Variants in ARFGEF2 observed in about 807,000 individuals in gnomAD.
ARFGEF2 encodes brefeldin A-inhibited guanine nucleotide-exchange protein 2.
In ARFGEF2, 74 loss-of-function variants were observed where a neutral mutation model predicts 219.9. That is an observed-to-expected ratio of 0.34 (90% CI 0.28 to 0.41). ARFGEF2 has a LOEUF of 0.41. ARFGEF2 is among the 10% of genes least tolerant of loss of function. The pLI is 1.00. For synonymous variants in ARFGEF2, 733 were observed against 799.2 expected (o/e 0.92, Z 1.40); for missense variants, 1,743 against 2,218.3 (o/e 0.79, Z 4.30).
intron 3 of ARFGEF2, among the ~76,000 whole-genome samples, chr20:48,950,331 A>C (rs1300979336): frequency 6.6e-6 from 1 of 152,140 alleles, no homozygotes; most frequent in Non-Finnish European, 1.5e-5. Context: ...TGTACTACAG[A>C]GTGTCTTAGT....
chr20:48,990,893 T>A (rs2091353868), intron 20 of ARFGEF2, 147 bp from the exon 21 acceptor site: 1 of 877,894 alleles, frequency 1.1e-6, no homozygotes. Flanking sequence ...GGCATTAGCA[T>A]GGAATAACTG....
intron 7 of ARFGEF2, among the ~76,000 whole-genome samples, chr20:48,964,118 CAT>C (rs1290154507): frequency 3.3e-5 from 5 of 152,122 alleles, no homozygotes; most frequent in African/African-American, 4.8e-5. Flanking sequence ...GTTTAGGAAA[CAT>C]AGTCTGGGCC....
At position 48,985,587 on chromosome 20, in the gene ARFGEF2, C is replaced by A; in HGVS notation, c.2250C>A (p.Ala750=). The A allele has an allele frequency of 6.2e-7, 1 of 1,614,144 alleles. No homozygotes were observed. Among genetic ancestry groups the A allele is most frequent in the Admixed American group, 1.7e-5 (1 of 60,018 alleles). ...TTGACCGATTAATGGAGAAGTTTGC[C>A]GCAAGATACATAGAATGCAACCAAG... ...QKIDRLMEKF[A]ARYIECNQGQ... Residue 750 remains alanine (A), a synonymous_variant, in exon 16 of 39, where the codon GCC becomes GCA. Transcript: ENST00000371917.
chr20:48,938,393 G>A (rs1035008782), intron 1 of ARFGEF2, among the ~76,000 whole-genome samples: 1 of 152,122 alleles, frequency 6.6e-6, no homozygotes, highest in African/African-American at 2.4e-5. Flanking sequence ...CTCAGGGCTA[G>A]GCAGCTTGCA....
intron 12 of ARFGEF2, 114 bp downstream of exon 12, chr20:48,973,398 A>C (rs2091240601): frequency 8.9e-7 from 1 of 1,119,788 alleles, no homozygotes; most frequent in Non-Finnish European, 1.3e-6. Flanking sequence ...ACAAAACAGG[A>C]ATGCATATTC....
At chr20:48,941,348 T>A (rs2123316640) in intron 2 of ARFGEF2, 119 bp downstream of exon 2, 2 of 1,060,674 alleles carry the variant, frequency 1.9e-6, no homozygotes, top group Non-Finnish European at 2.9e-6. Context: ...TGGCACACAC[T>A]CTGCAAGCAT....
chr20:48,990,836 A>G (rs1043647170), intron 20 of ARFGEF2, among the ~76,000 whole-genome samples: 2 of 152,234 alleles, frequency 1.3e-5, no homozygotes, highest in Admixed American at 1.3e-4. Flanking sequence ...CTTCTCAAAC[A>G]TGTGGCAGTG....
At chr20:49,005,524 G>A (rs923800048) in intron 26 of ARFGEF2, among the ~76,000 whole-genome samples, 2 of 151,666 alleles carry the variant, frequency 1.3e-5, no homozygotes, top group South Asian at 2.1e-4. Context: ...GGATCACGAG[G>A]TCAGGAGATC....
At chr20:49,025,248 A>G in intron 35 of ARFGEF2, 65 bp from the exon 36 acceptor site, 5 of 1,541,440 alleles carry the variant, frequency 3.2e-6, no homozygotes, top group Non-Finnish European at 4.4e-6. Flanking sequence ...CGTTGTCTGC[A>G]ATCACAATGC....
At chr20:48,998,075 G>T in intron 23 of ARFGEF2, 118 bp from the exon 24 acceptor site, 2 of 909,018 alleles carry the variant, frequency 2.2e-6, no homozygotes, top group Non-Finnish European at 3.6e-6. Context: ...GGCCAGGCTG[G>T]TTTTGAACTC....
intron 30 of ARFGEF2, among the ~76,000 whole-genome samples, chr20:49,015,054 C>T (rs1600547298): frequency 6.6e-6 from 1 of 152,264 alleles, no homozygotes; most frequent in South Asian, 2.1e-4. Flanking sequence ...AAACTTAATA[C>T]ATGAGTATTT....
chr20:49,017,599 G>C (rs1010850052), intron 33 of ARFGEF2, 49 bp downstream of exon 33: 3 of 1,595,418 alleles, frequency 1.9e-6, no homozygotes, highest in Non-Finnish European at 1.7e-6. Context: ...TTCTATCTTA[G>C]TAAAAGATCA....
intron 1 of ARFGEF2, among the ~76,000 whole-genome samples, chr20:48,926,459 C>CT (rs949841598): frequency 0.014 from 2,080 of 144,686 alleles, 34 homozygotes; most frequent in African/African-American, 0.045. Context: ...TTCAGTTTTT[C>CT]TTTTTTTTTT....
At chr20:49,002,949 T>C (rs2123494582) in intron 25 of ARFGEF2, among the ~76,000 whole-genome samples, 1 of 137,392 alleles carries the variant, frequency 7.3e-6, no homozygotes, top group Admixed American at 7.6e-5. Flanking sequence ...CTTGGCCCAA[T>C]TTTTATTTTT....
chr20:48,922,138 C>A, intron 1 of ARFGEF2, 128 bp downstream of exon 1: 3 of 1,406,856 alleles, frequency 2.1e-6, no homozygotes, highest in Non-Finnish European at 2.8e-6. Flanking sequence ...CCCTTCCGGC[C>A]TCCTCCTCAT....
In ARFGEF2 at chr20:48,956,780, A is replaced by G. The variant is rs528736514; in HGVS notation, c.838+2990A>G. Among the ~76,000 whole-genome samples the G allele has an allele frequency of 5.2e-3, 797 of 152,104 alleles. 9 individuals are homozygous for G. The highest frequency in any genetic ancestry group is 0.018 in the African/African-American group (747 of 41,520). The stretch of plus-strand genomic sequence containing the variant: ...TTTTTAGTAGAAACGGAGTTTCACC[A>G]TGTTGGCCAGGCTGATCTCGAACTC... On this transcript the variant is annotated intron_variant, in intron 6 of 38. Coordinates refer to ENST00000371917, the MANE Select transcript of ARFGEF2 (RefSeq NM_006420.3).
Position 48,976,129 on chromosome 20 carries a change from G to C in ARFGEF2, c.1888G>C (p.Val630Leu). The change falls in exon 14 of 39, where the codon GTT (valine) becomes CTT (leucine). Residue 630 changes from valine to leucine, a missense_variant. Val to Leu is a conservative substitution (Grantham distance 32, BLOSUM62 1). Transcript: ENST00000371917. ...STVSSGTQTT[V>L]QDDPEQFEVI... The stretch of plus-strand genomic sequence containing the variant: ...AGTGTCCTCGGGGACCCAGACAACT[G>C]TTCAGGATGACCCTGAGCAATTTGA... The C allele has an allele frequency of 6.2e-7, 1 of 1,613,934 alleles. No individual in the cohort carries two copies. Among genetic ancestry groups the C allele is most frequent in the Non-Finnish European group, 8.5e-7 (1 of 1,180,036 alleles).
intron 6 of ARFGEF2, among the ~76,000 whole-genome samples, chr20:48,959,573 C>CCTTCCCTT (rs2091132119): frequency 1.3e-5 from 1 of 77,996 alleles, no homozygotes; most frequent in Non-Finnish European, 2.6e-5. Flanking sequence ...CTCCCTCCCT[C>CCTTCCCTT]CTTCCTTCCC....
chr20:48,994,240 G>A (rs2091373300), intron 21 of ARFGEF2, among the ~76,000 whole-genome samples: 1 of 152,176 alleles, frequency 6.6e-6, no homozygotes, highest in African/African-American at 2.4e-5. Flanking sequence ...GTGACTAAAT[G>A]ATGTGCCTAT....
Sources: allele counts gnomAD v4.1 joint callset (sites outside exome capture counted in the v4.1 genomes callset), GRCh38; gene constraint gnomAD v4.1.1; transcripts MANE v1.5; gene names NCBI Gene and HGNC (gene_info 2026-07-23, HGNC 2026-07-21).